The following DISC1 variants were observed in gnomAD, a reference collection of about 807,000 sequenced individuals.
DISC1 encodes disrupted in schizophrenia 1 protein.
In DISC1, 57 loss-of-function variants were observed where a neutral mutation model predicts 84.5. The ratio of observed to expected loss-of-function variants is 0.67; its 90% CI spans 0.55 to 0.84. The LOEUF is 0.84. Ranked by LOEUF, DISC1 falls within the 40% of genes least tolerant of loss-of-function variation. The pLI is 0.00. For synonymous variants in DISC1, 411 were observed against 415.2 expected, an observed-to-expected ratio of 0.99 and a Z score of 0.12; for missense variants, 1,000 against 1,057.8, an observed-to-expected ratio of 0.95 and a Z score of 0.76.
At chr1:231,690,675 GA>G (rs1195191454) in intron 1 of DISC1, among the ~76,000 whole-genome samples, 2 of 152,048 alleles carry the variant, frequency 1.3e-5, no homozygotes, top group East Asian at 1.9e-4. Flanking sequence ...TAAAAAAGAG[GA>G]AAAAAATAGT....
At chr1:231,813,520 G>C (rs994732848) in intron 8 of DISC1, 2 of 152,278 alleles carry the variant, frequency 1.3e-5, no homozygotes, top group African/African-American at 4.8e-5. Context: ...CAGCTTCCTT[G>C]ACTTGGCCAT....
chr1:231,778,838 C>T (rs2077157850), intron 6 of DISC1, among the ~76,000 whole-genome samples: 1 of 152,132 alleles, frequency 6.6e-6, no homozygotes, highest in Non-Finnish European at 1.5e-5. Flanking sequence ...AGCCCCCAAC[C>T]ACTGAACGGA....
At chr1:231,647,345 G>A (rs1040795680) in intron 1 of DISC1, among the ~76,000 whole-genome samples, 2 of 152,086 alleles carry the variant, frequency 1.3e-5, no homozygotes, top group African/African-American at 4.8e-5. Flanking sequence ...TCTTGTTTTT[G>A]TCAGCTTTGT....
chr1:232,035,278 C>T (rs2103069671), intron 12 of DISC1, among the ~76,000 whole-genome samples: 1 of 152,212 alleles, frequency 6.6e-6, no homozygotes, highest in Non-Finnish European at 1.5e-5. Context: ...GGTGAAACCC[C>T]ATTTCTACTA....
At chr1:231,690,288 G>A (rs991522881) in intron 1 of DISC1, among the ~76,000 whole-genome samples, 2 of 152,196 alleles carry the variant, frequency 1.3e-5, no homozygotes, top group African/African-American at 4.8e-5. Flanking sequence ...ATCTGTTGCG[G>A]AACAAGAGTC....
chr1:231,635,520 G>A (rs762131274), intron 1 of DISC1, among the ~76,000 whole-genome samples: 1 of 152,132 alleles, frequency 6.6e-6, no homozygotes, highest in East Asian at 1.9e-4. Context: ...CTGTTTTTCT[G>A]ACTCCAATGT....
intron 10 of DISC1, among the ~76,000 whole-genome samples, chr1:231,993,117 G>A (rs189475613): frequency 1.9e-3 from 288 of 152,192 alleles, no homozygotes; most frequent in Non-Finnish European, 3.5e-3. Flanking sequence ...CCTTGAGATG[G>A]GCCTTGATGA....
intron 9 of DISC1, among the ~76,000 whole-genome samples, chr1:231,829,646 C>T (rs1394388393): frequency 2.6e-5 from 4 of 152,156 alleles, no homozygotes; most frequent in East Asian, 1.9e-4. Context: ...CCACCATGCC[C>T]GGCCTACTTT....
intron 9 of DISC1, among the ~76,000 whole-genome samples, chr1:231,821,709 A>G (rs377584412): frequency 1.1e-3 from 156 of 138,104 alleles, no homozygotes; most frequent in African/African-American, 4.0e-3. Context: ...AGTTTGCTAC[A>G]TCTGCTTTTT....
rs188436658 is a variant in DISC1 at position 231,770,027 on chromosome 1, C to T, written c.1399-808C>T. On this transcript the variant is annotated intron_variant, in intron 5 of 12. Coordinates refer to ENST00000439617, the MANE Select transcript of DISC1 (RefSeq NM_018662.3). ...GGTAGAAGTTGTAGGTGATGCACCT[C>T]GGGGCTGAGAGAACGTGAATAAGAG... 9.9e-5 allele frequency among the ~76,000 whole-genome samples: 15 copies of T among 152,166 alleles called. No homozygotes were observed. The South Asian group carries it at 1.0e-3, about 11-fold the overall frequency.
rs1448378062 is a variant in DISC1 at position 231,818,389 on chromosome 1, G to C, written c.1853G>C (p.Arg618Thr). ...GAGATTAGATCATTAACATCAGAGA[G>C]AGAAGGGCTGGAGGGACTCCTCAGC... is the stretch of plus-strand genomic sequence containing the variant. ...TEEIRSLTSE[R>T]EGLEGLLSKL... Residue 618 changes from arginine to threonine, a missense_variant, in exon 9 of 13, where the codon AGA becomes ACA. By Grantham distance (71) the Arg-to-Thr change is moderately conservative. Around this residue, in one of 3 missense-constraint regions of DISC1, gnomAD observed 397 missense variants for 377.5 expected, o/e 1.05. Transcript: ENST00000439617. 2.5e-6 allele frequency: 4 copies of C among 1,614,020 alleles called. No homozygotes were observed. The African/African-American group carries it at 5.3e-5, about 22-fold the overall frequency.
chr1:231,923,307 C>CAAAAAAAAAAAAA (rs1461560372), intron 9 of DISC1, among the ~76,000 whole-genome samples: 4 of 138,530 alleles, frequency 2.9e-5, no homozygotes, highest in African/African-American at 8.2e-5. Context: ...CAAAAAAAAC[C>CAAAAAAAAAAAAA]AAAAAAAAAA....
chr1:231,944,281 A>G (rs1225940358), intron 9 of DISC1, among the ~76,000 whole-genome samples: 1 of 152,046 alleles, frequency 6.6e-6, no homozygotes, highest in East Asian at 1.9e-4. Context: ...CACTGCCCAG[A>G]TCCTTCTTCT....
chr1:231,746,971 C>T (rs1019631771), intron 3 of DISC1, among the ~76,000 whole-genome samples: 1 of 152,114 alleles, frequency 6.6e-6, no homozygotes, highest in Non-Finnish European at 1.5e-5. Flanking sequence ...CTCTATTCCC[C>T]AGACTAGAAT....
intron 9 of DISC1, among the ~76,000 whole-genome samples, chr1:231,862,773 T>A (rs2084761246): frequency 6.6e-6 from 1 of 152,232 alleles, no homozygotes. Flanking sequence ...AATCATGTGA[T>A]CATTTCAAAA....
At chr1:231,736,372 C>G (rs111986240) in intron 3 of DISC1, among the ~76,000 whole-genome samples, 3,910 of 152,286 alleles carry the variant, frequency 0.026, 93 homozygotes, top group East Asian at 0.099. Flanking sequence ...CAAGTTCAGA[C>G]TCTGCCTTTG....
rs1558854188 is a variant in DISC1, at chr1:232,031,229, GAGA to G, written c.2425+4678_2425+4680del. Among the ~76,000 whole-genome samples the G allele has an allele frequency of 1.4e-5, 2 of 147,638 alleles. No individual in the cohort carries two copies. Among genetic ancestry groups the G allele is most frequent in the Non-Finnish European group, 3.0e-5 (2 of 66,928 alleles). On this transcript the variant is annotated intron_variant, in intron 12 of 12. Coordinates refer to ENST00000439617, the MANE Select transcript of DISC1 (RefSeq NM_018662.3). The surrounding 1 kb of genome is among the most constrained non-coding windows in gnomAD (Gnocchi z 4.6). ...AGGAAGGAAGGAAGGGAGAAAGAGA[GAGA>G]GAAAGAGAGGAAGGAAGGAAGGAGA...
At chr1:232,011,435 CT>C (rs1249500720) in intron 11 of DISC1, among the ~76,000 whole-genome samples, 1 of 152,146 alleles carries the variant, frequency 6.6e-6, no homozygotes, top group African/African-American at 2.4e-5. Context: ...CTTTTGCTGG[CT>C]TTCAGTATCA....
intron 9 of DISC1, chr1:231,866,713 G>A: frequency 7.4e-7 from 1 of 1,352,752 alleles, no homozygotes; most frequent in Non-Finnish European, 9.5e-7. Context: ...AGAAAAGAAA[G>A]CATGTCTTCG....
Sources: allele counts gnomAD v4.1 joint callset (sites outside exome capture counted in the v4.1 genomes callset), GRCh38; gene constraint gnomAD v4.1.1; regional missense constraint gnomAD v4.1.1; non-coding constraint Gnocchi (gnomAD v3.1); transcripts MANE v1.5; gene names NCBI Gene and HGNC (gene_info 2026-07-23, HGNC 2026-07-21).